The following OR14A16 variants were observed in gnomAD, a reference collection of about 807,000 sequenced individuals.
The protein encoded by OR14A16 is olfactory receptor 14A16.
For missense variants in OR14A16, 341 were observed against 366.5 expected (o/e 0.93, Z 0.57); for synonymous variants, 135 against 137.6 (o/e 0.98, Z 0.13).
chr1:247,821,361 G>A (rs1157060825), intron 1 of OR14A16, among the ~76,000 whole-genome samples: 1 of 152,176 alleles, frequency 6.6e-6, no homozygotes, highest in Non-Finnish European at 1.5e-5. Context: ...GTTGAATGTG[G>A]AGTATTGAAA....
rs149557201 is a variant in OR14A16, at chr1:247,815,457, T to A, written c.273A>T (p.Ser91=). The change falls in exon 3 of 3, where the codon TCA becomes TCT. Residue 91 remains serine (S), a synonymous_variant. Transcript: ENST00000641093. ...AGACCTGGGAAACACAGCCAAGGAATGAAATGGAGTTGTTGTGTATCAAAG... is the reference window on the plus strand; with the variant it reads ...AGACCTGGGAAACACAGCCAAGGAAAGAAATGGAGTTGTTGTGTATCAAAG... ...ANSLIHNNSI[S]FLGCVSQVFL... The A allele has an allele frequency of 7.9e-5, 127 of 1,613,854 alleles. No individual in the cohort carries two copies. The highest frequency in any genetic ancestry group is 1.0e-4 in the Non-Finnish European group (123 of 1,180,014).
intron 1 of OR14A16, among the ~76,000 whole-genome samples, chr1:247,823,739 T>C (rs1194823929): frequency 6.6e-6 from 1 of 152,154 alleles, no homozygotes; most frequent in African/African-American, 2.4e-5. Flanking sequence ...ACGATAAATA[T>C]GTATTTCCTA....
chr1:247,815,883 CA>C (rs1460224783), intron 2 of OR14A16, 139 bp from the exon 3 acceptor site: 3 of 465,880 alleles, frequency 6.4e-6, no homozygotes, highest in Non-Finnish European at 1.1e-5. Flanking sequence ...CAATTTGCCA[CA>C]AAAAATACTT....
chr1:247,820,057 C>T (rs1662703839), intron 1 of OR14A16, among the ~76,000 whole-genome samples: 2 of 152,164 alleles, frequency 1.3e-5, no homozygotes, highest in Non-Finnish European at 2.9e-5. Context: ...CCACTTGCAT[C>T]TGAAGGAAAA....
At chr1:247,818,028 A>T (rs1423211466) in intron 2 of OR14A16, among the ~76,000 whole-genome samples, 1 of 152,174 alleles carries the variant, frequency 6.6e-6, no homozygotes, top group Non-Finnish European at 1.5e-5. Context: ...TAATTTGAGC[A>T]TCAGAGAAAA....
intron 1 of OR14A16, among the ~76,000 whole-genome samples, chr1:247,820,427 G>A (rs1222706443): frequency 6.6e-6 from 1 of 152,018 alleles, no homozygotes; most frequent in African/African-American, 2.4e-5. Context: ...ATTTTCTATT[G>A]TCTTTCTGGA....
rs1572538848 is a variant in OR14A16, at chr1:247,815,731, A to T, written c.-2T>A. ...AGTCACGATTGTGAGATTTGCCATT[A>T]TTGCAGGAGTAATCTGCAGGAAAAG... On this transcript the variant is annotated 5_prime_UTR_variant, in exon 3 of 3. Transcript: ENST00000641093. 7 of 1,509,288 alleles carry T rather than the reference A, an allele frequency of 4.6e-6. No homozygotes were observed. The highest frequency in any genetic ancestry group is 6.4e-6 in the Non-Finnish European group (7 of 1,098,342). The allele number at this position is 1,509,288 out of a possible 1,614,324, so 93.5% of individuals were successfully genotyped here.
At position 247,815,408 on chromosome 1, in the gene OR14A16, C is replaced by T. The variant is rs779437415; in HGVS notation, c.322G>A (p.Ala108Thr). 1.9e-6 allele frequency: 3 copies of T among 1,613,592 alleles called. No homozygotes were observed. The highest frequency in any genetic ancestry group is 2.7e-5 in the African/African-American group (2 of 74,892). ...QVFLLLSSAS[A>T]ELLLLTVMSF... ...ATCACCGTGAGGAGGAGCAGCTCTGCAGATGCTGAAGAAAGCAACAAAAAG... is the reference window on the plus strand; with the variant it reads ...ATCACCGTGAGGAGGAGCAGCTCTGTAGATGCTGAAGAAAGCAACAAAAAG... The change falls in exon 3 of 3, where the codon GCA becomes ACA. Residue 108 changes from alanine to threonine, a missense_variant. Physicochemically the swap from Ala to Thr is moderately conservative, Grantham distance 58 (BLOSUM62 0). Transcript: ENST00000641093.
Position 247,815,012 on chromosome 1 carries a change from G to A in OR14A16, c.718C>T (p.Leu240Phe), listed in dbSNP as rs1252601076. The change falls in exon 3 of 3, where the codon CTT becomes TTT. Residue 240 changes from leucine to phenylalanine, a missense_variant. By Grantham distance (22) the Leu-to-Phe change is conservative. Coordinates refer to ENST00000641093, the MANE Select transcript of OR14A16 (RefSeq NM_001001966.2). Reference protein sequence around the residue: ...EGQSKAYSICLPHLLVVLFLS... With the variant: ...EGQSKAYSICFPHLLVVLFLS... ...AATAACACAACCAGCAAGTGTGGAA[G>A]GCAAATAGAGTAGGCTTTTGACTGG... The A allele has an allele frequency of 1.2e-6, 2 of 1,613,822 alleles. No individual in the cohort carries two copies. Among genetic ancestry groups the A allele is most frequent in the South Asian group, 1.1e-5 (1 of 91,078 alleles).
chr1:247,816,792 T>A (rs1451055625), intron 2 of OR14A16, among the ~76,000 whole-genome samples: 1 of 152,222 alleles, frequency 6.6e-6, no homozygotes, highest in Non-Finnish European at 1.5e-5. Flanking sequence ...ACTTTTCTTT[T>A]TTAATCCCCC....
chr1:247,821,696 T>G (rs1230650419), intron 1 of OR14A16, among the ~76,000 whole-genome samples: 2 of 146,154 alleles, frequency 1.4e-5, no homozygotes, highest in African/African-American at 4.9e-5. Flanking sequence ...TGCACCCACT[T>G]TATGTCTTTT....
chr1:247,817,864 T>C (rs901510054), intron 2 of OR14A16, among the ~76,000 whole-genome samples: 1 of 152,080 alleles, frequency 6.6e-6, no homozygotes, highest in African/African-American at 2.4e-5. Flanking sequence ...TCATAATACA[T>C]ACTCCTCAAC....
intron 2 of OR14A16, among the ~76,000 whole-genome samples, chr1:247,816,943 C>T (rs979569789): frequency 1.3e-5 from 2 of 151,916 alleles, no homozygotes; most frequent in Admixed American, 6.6e-5. Context: ...TTTTTATGTC[C>T]ACTGCTTTCT....
intron 1 of OR14A16, among the ~76,000 whole-genome samples, chr1:247,820,893 T>C (rs1662725220): frequency 6.6e-6 from 1 of 152,202 alleles, no homozygotes; most frequent in African/African-American, 2.4e-5. Context: ...ATTTTTCATG[T>C]AGGCATTGGT....
intron 1 of OR14A16, among the ~76,000 whole-genome samples, chr1:247,822,408 G>C (rs757787538): frequency 4.0e-5 from 6 of 151,848 alleles, no homozygotes; most frequent in Non-Finnish European, 8.8e-5. Context: ...TCAGGAGTGA[G>C]ATGCCTCTCC....
chr1:247,815,379 G>C lies in OR14A16; in HGVS notation c.351C>G (p.Ser117=), dbSNP rs1454329659. The change falls in exon 3 of 3, where the codon TCC becomes TCG. Residue 117 remains serine (S), a synonymous_variant. Transcript: ENST00000641093. ...GACATATAGCAGTATAGCGGTCAAAGGACATCACCGTGAGGAGGAGCAGCT... is the reference window on the plus strand; with the variant it reads ...GACATATAGCAGTATAGCGGTCAAACGACATCACCGTGAGGAGGAGCAGCT... ...SAELLLLTVM[S]FDRYTAICHP... 6.8e-6 allele frequency: 11 copies of C among 1,613,790 alleles called. No individual in the cohort carries two copies. The highest frequency in any genetic ancestry group is 9.3e-6 in the Non-Finnish European group (11 of 1,179,998).
intron 2 of OR14A16, among the ~76,000 whole-genome samples, chr1:247,816,603 C>G (rs1662626509): frequency 6.6e-6 from 1 of 152,096 alleles, no homozygotes; most frequent in Non-Finnish European, 1.5e-5. Context: ...TGGCGGGCAC[C>G]TATAATCCCT....
intron 1 of OR14A16, among the ~76,000 whole-genome samples, chr1:247,821,795 G>A (rs1217184790): frequency 6.9e-6 from 1 of 145,954 alleles, no homozygotes; most frequent in East Asian, 1.9e-4. Context: ...GTTCTTTTGT[G>A]TGTTTTTAAA....
chr1:247,820,087 A>C (rs1388059042), intron 1 of OR14A16, among the ~76,000 whole-genome samples: 4 of 152,168 alleles, frequency 2.6e-5, no homozygotes, highest in Non-Finnish European at 4.4e-5. Context: ...TATTATGATG[A>C]ATGATCTTTT....
Sources: allele counts gnomAD v4.1 joint callset (sites outside exome capture counted in the v4.1 genomes callset), GRCh38; gene constraint gnomAD v4.1.1; transcripts MANE v1.5; gene names NCBI Gene and HGNC (gene_info 2026-07-23, HGNC 2026-07-21).